The following UCK2 variants were observed in gnomAD, a reference collection of about 807,000 sequenced individuals.
UCK2 encodes the protein cytidine monophosphokinase 2.
Under a neutral mutation model 30.8 loss-of-function variants are expected in UCK2, and 6 were observed. That is an observed-to-expected ratio of 0.19 (90% CI 0.11 to 0.38). The LOEUF is 0.38. UCK2 is among the 10% of genes least tolerant of loss of function. The pLI is 1.00. For synonymous variants in UCK2, 125 were observed against 133.6 expected (o/e 0.94, Z 0.45); for missense variants, 210 against 339.8 (o/e 0.62, Z 3.00).
intron 1 of UCK2, among the ~76,000 whole-genome samples, chr1:165,834,206 A>G (rs1654126118): frequency 6.6e-6 from 1 of 152,202 alleles, no homozygotes. Flanking sequence ...TGATTATCAT[A>G]TTTGAAAAAG....
chr1:165,874,827 T>A (rs913803680), intron 1 of UCK2, among the ~76,000 whole-genome samples: 3 of 152,356 alleles, frequency 2.0e-5, no homozygotes, highest in African/African-American at 7.2e-5. Context: ...TCCTTTGCCC[T>A]GGTGTTTTCT....
At chr1:165,857,263 T>A (rs912730601) in intron 1 of UCK2, among the ~76,000 whole-genome samples, 2 of 152,228 alleles carry the variant, frequency 1.3e-5, no homozygotes, top group African/African-American at 2.4e-5. Flanking sequence ...TGTACTAAGC[T>A]GATCACGGTC....
At chr1:165,837,757 G>A (rs1166995960) in intron 1 of UCK2, among the ~76,000 whole-genome samples, 1 of 152,188 alleles carries the variant, frequency 6.6e-6, no homozygotes, top group African/African-American at 2.4e-5. Context: ...TCAAATGTTT[G>A]TAGAATAACC....
intron 1 of UCK2, among the ~76,000 whole-genome samples, chr1:165,864,585 T>C (rs890127354): frequency 2.0e-5 from 3 of 152,372 alleles, no homozygotes; most frequent in Admixed American, 2.0e-4. Context: ...CATTTCTTTC[T>C]AAACTTCTTA....
At chr1:165,856,480 G>A (rs1023955611) in intron 1 of UCK2, among the ~76,000 whole-genome samples, 10 of 121,224 alleles carry the variant, frequency 8.2e-5, no homozygotes, top group African/African-American at 2.9e-4. Context: ...GAGCTTCAGA[G>A]GCATTTAGCT....
At chr1:165,860,104 C>G (rs1451766922) in intron 1 of UCK2, among the ~76,000 whole-genome samples, 3 of 152,178 alleles carry the variant, frequency 2.0e-5, no homozygotes, top group African/African-American at 7.2e-5. Flanking sequence ...GTCCTCTGTC[C>G]CCACCTTAAC....
chr1:165,865,745 C>G (rs1312795567), intron 1 of UCK2, among the ~76,000 whole-genome samples: 1 of 152,158 alleles, frequency 6.6e-6, no homozygotes, highest in African/African-American at 2.4e-5. Context: ...GCCAAGCACT[C>G]TGATGACAGA....
intron 1 of UCK2, among the ~76,000 whole-genome samples, chr1:165,855,666 G>A (rs79643312): frequency 0.026 from 3,944 of 152,158 alleles, 176 homozygotes; most frequent in African/African-American, 0.09. Context: ...CTTGCTGTGC[G>A]TGAGCTGCTG....
chr1:165,867,126 A>C (rs1655067594), intron 1 of UCK2, among the ~76,000 whole-genome samples: 1 of 152,244 alleles, frequency 6.6e-6, no homozygotes, highest in Non-Finnish European at 1.5e-5. Context: ...TATGTCTAAA[A>C]AAATTGCAGA....
chr1:165,873,173 T>C (rs1655246555), intron 1 of UCK2, among the ~76,000 whole-genome samples: 2 of 152,188 alleles, frequency 1.3e-5, no homozygotes, highest in Admixed American at 6.5e-5. Flanking sequence ...GTTGCCACAA[T>C]TTAATAATGA....
chr1:165,847,581 T>G (rs776191401), intron 1 of UCK2, among the ~76,000 whole-genome samples: 2 of 152,230 alleles, frequency 1.3e-5, no homozygotes, highest in African/African-American at 2.4e-5. Context: ...TTATTGACTT[T>G]CTCTTTTAGA....
At chr1:165,888,960 C>T (rs371534038) in intron 1 of UCK2, among the ~76,000 whole-genome samples, 31 of 152,168 alleles carry the variant, frequency 2.0e-4, no homozygotes, top group African/African-American at 6.7e-4. Flanking sequence ...GTTCCTTTTA[C>T]GAAGAGTATA....
intron 1 of UCK2, among the ~76,000 whole-genome samples, chr1:165,855,103 G>A (rs1654707768): frequency 6.6e-6 from 1 of 152,166 alleles, no homozygotes. Context: ...TGGTTAGCCA[G>A]CCTATGTTTC....
rs111675211 is a variant in UCK2, at chr1:165,885,928, C to T, written c.100-4276C>T. Among the ~76,000 whole-genome samples, 38 of 152,234 alleles carry T rather than the reference C, an allele frequency of 2.5e-4. 1 individual carries two copies. Among genetic ancestry groups the T allele is most frequent in the African/African-American group, 8.9e-4 (37 of 41,518 alleles). On this transcript the variant is annotated intron_variant, in intron 1 of 6. Transcript: ENST00000367879. ...TAAAATACACATAACATAAAATTTA[C>T]CATCGTAACCGTCTTTAAGTGTACA...
chr1:165,866,301 C>T (rs1292308439), intron 1 of UCK2, among the ~76,000 whole-genome samples: 1 of 152,080 alleles, frequency 6.6e-6, no homozygotes, highest in African/African-American at 2.4e-5. Context: ...TTTCCCCTGC[C>T]CAATTGTGGT....
chr1:165,894,159 A>T (rs1313337039), intron 3 of UCK2: 1 of 152,252 alleles, frequency 6.6e-6, no homozygotes, highest in African/African-American at 2.4e-5. Flanking sequence ...ATCTGAAAAA[A>T]ATCCAAAATT....
intron 1 of UCK2, among the ~76,000 whole-genome samples, chr1:165,880,561 TTG>T (rs1368648217): frequency 7.7e-5 from 6 of 77,638 alleles, no homozygotes; most frequent in African/African-American, 2.7e-4. Context: ...TCAGTTTTTT[TTG>T]GGGGTGTGTG....
chr1:165,868,774 T>TA (rs1478511576), intron 1 of UCK2, among the ~76,000 whole-genome samples: 1 of 152,234 alleles, frequency 6.6e-6, no homozygotes, highest in African/African-American at 2.4e-5. Context: ...TTTGCTTTCT[T>TA]ATCATTCATG....
intron 1 of UCK2, among the ~76,000 whole-genome samples, chr1:165,881,281 A>G (rs1233149867): frequency 1.3e-5 from 2 of 149,952 alleles, no homozygotes; most frequent in African/African-American, 2.5e-5. Flanking sequence ...ATGTTTACCT[A>G]TATCTTTTAC....
Sources: allele counts gnomAD v4.1 joint callset (sites outside exome capture counted in the v4.1 genomes callset), GRCh38; gene constraint gnomAD v4.1.1; transcripts MANE v1.5; gene names NCBI Gene and HGNC (gene_info 2026-07-23, HGNC 2026-07-21).